The following UNC13C variants were observed in gnomAD, a reference collection of about 807,000 sequenced individuals.
The protein encoded by UNC13C is protein unc-13 homolog C.
Under a neutral mutation model 245.4 loss-of-function variants are expected in UNC13C, and 174 were observed. The ratio of observed to expected loss-of-function variants is 0.71; its 90% CI spans 0.63 to 0.80. The LOEUF (loss-of-function observed/expected upper bound fraction) is 0.80. Among genes scored for constraint, UNC13C ranks in the 30% least tolerant of loss-of-function variants. The pLI is 0.00. For synonymous variants in UNC13C, 992 were observed against 895.1 expected, an observed-to-expected ratio of 1.11 and a Z score of -1.93; for missense variants, 2,829 against 2,602.9, an observed-to-expected ratio of 1.09 and a Z score of -1.89.
At chr15:54,509,475 A>C (rs1211660706) in intron 23 of UNC13C, among the ~76,000 whole-genome samples, 1 of 152,208 alleles carries the variant, frequency 6.6e-6, no homozygotes, top group Non-Finnish European at 1.5e-5. Flanking sequence ...AAGTGTTCCT[A>C]GTCTGAAACT....
At chr15:54,268,398 C>G (rs756080438) in intron 10 of UNC13C, among the ~76,000 whole-genome samples, 1 of 152,140 alleles carries the variant, frequency 6.6e-6, no homozygotes, top group Non-Finnish European at 1.5e-5. Flanking sequence ...CCAATTCTAA[C>G]ATCTATGTCC....
At chr15:54,300,157 T>C (rs7164993) in intron 12 of UNC13C, 53 bp from the exon 13 acceptor site, 254,205 of 1,526,892 alleles carry the variant, frequency 0.17, 21,704 homozygotes, top group Admixed American at 0.18. Flanking sequence ...TAGTTAAATG[T>C]TTCTGGCCTA....
intron 1 of UNC13C, among the ~76,000 whole-genome samples, chr15:53,980,445 T>C (rs1186104496): frequency 6.6e-6 from 1 of 152,234 alleles, no homozygotes; most frequent in Non-Finnish European, 1.5e-5. Context: ...ATGATGTCTG[T>C]AGGTGAAACA....
chr15:54,602,376 C>T (rs988804108), intron 30 of UNC13C, among the ~76,000 whole-genome samples: 2 of 152,078 alleles, frequency 1.3e-5, no homozygotes, highest in Non-Finnish European at 2.9e-5. Context: ...GAAGAAAATC[C>T]TCTCTCACAC....
chr15:54,037,477 A>G (rs974852733), intron 2 of UNC13C, among the ~76,000 whole-genome samples: 2 of 152,226 alleles, frequency 1.3e-5, no homozygotes, highest in African/African-American at 2.4e-5. Flanking sequence ...AATGCTTGTC[A>G]TTTGGTAAGT....
intron 19 of UNC13C, among the ~76,000 whole-genome samples, chr15:54,460,858 G>A (rs1347335728): frequency 1.3e-5 from 2 of 152,044 alleles, no homozygotes; most frequent in African/African-American, 2.4e-5. Flanking sequence ...GTCTCCTATT[G>A]GCCATTTTCC....
At chr15:54,480,500 T>G (rs959076042) in intron 19 of UNC13C, among the ~76,000 whole-genome samples, 7 of 151,394 alleles carry the variant, frequency 4.6e-5, no homozygotes, top group African/African-American at 1.7e-4. Context: ...CTGCTTGACC[T>G]TCTCTATTGT....
chr15:53,931,193 G>T, the UNC13C span, among the ~76,000 whole-genome samples: 1 of 151,944 alleles, frequency 6.6e-6, no homozygotes. Context: ...TTTTGAGACA[G>T]AGTCTTGCTC....
chr15:54,031,579 G>A (rs1415395738), intron 2 of UNC13C, among the ~76,000 whole-genome samples: 2 of 152,150 alleles, frequency 1.3e-5, no homozygotes, highest in Non-Finnish European at 2.9e-5. Flanking sequence ...CATTTTGACA[G>A]GAAGTTATTA....
chr15:54,013,508 C>A lies in UNC13C; in HGVS notation c.605C>A (p.Thr202Asn). Residue 202 changes from threonine to asparagine, a missense_variant, in exon 2 of 33, where the codon ACC becomes AAC. Transcript: ENST00000260323. Reference sequence around the variant, plus strand: ...GTCTCCTCAGACTCAGAGTTAAGCACCATGAAAAAATCCTGGGGAATAAGA... The same window carrying A: ...GTCTCCTCAGACTCAGAGTTAAGCAACATGAAAAAATCCTGGGGAATAAGA... ...ECVSSDSELS[T>N]MKKSWGIRSK... 2 of 1,613,774 alleles carry A rather than the reference C, an allele frequency of 1.2e-6. No individual in the cohort carries two copies. The highest frequency in any genetic ancestry group is 2.2e-5 in the South Asian group (2 of 91,078).
At chr15:54,357,548 A>G (rs577520029) in intron 17 of UNC13C, among the ~76,000 whole-genome samples, 22 of 152,168 alleles carry the variant, frequency 1.4e-4, no homozygotes, top group Middle Eastern at 3.4e-3. Flanking sequence ...TACTTTTTGT[A>G]CACTGATAAA....
chr15:53,883,788 A>G, the UNC13C span, among the ~76,000 whole-genome samples: 1 of 152,234 alleles, frequency 6.6e-6, no homozygotes, highest in Non-Finnish European at 1.5e-5. Context: ...TTCAAGAAGT[A>G]CATAAACATT....
At chr15:54,150,465 C>A (rs563841960) in intron 4 of UNC13C, among the ~76,000 whole-genome samples, 1 of 152,202 alleles carries the variant, frequency 6.6e-6, no homozygotes, top group Non-Finnish European at 1.5e-5. Flanking sequence ...ACATAATGTC[C>A]TATGCACAAA....
intron 2 of UNC13C, among the ~76,000 whole-genome samples, chr15:54,058,955 C>A (rs1483021119): frequency 6.6e-6 from 1 of 152,096 alleles, no homozygotes; most frequent in South Asian, 2.1e-4. Context: ...ATTGACGGGA[C>A]GTATCTCAAA....
At chr15:54,245,347 G>A (rs74013530) in intron 7 of UNC13C, among the ~76,000 whole-genome samples, 3,860 of 152,102 alleles carry the variant, frequency 0.025, 161 homozygotes, top group African/African-American at 0.089. Context: ...AATCATCTAC[G>A]TTATTGTTCT....
intron 1 of UNC13C, among the ~76,000 whole-genome samples, chr15:53,990,211 G>A (rs949800064): frequency 4.6e-5 from 7 of 151,864 alleles, no homozygotes; most frequent in African/African-American, 1.7e-4. Flanking sequence ...ATATATACCT[G>A]TTTTTGTCCC....
At chr15:54,529,204 A>G (rs547760422) in intron 25 of UNC13C, among the ~76,000 whole-genome samples, 6 of 152,318 alleles carry the variant, frequency 3.9e-5, no homozygotes, top group African/African-American at 1.2e-4. Context: ...AAAAATGGAG[A>G]CAGATCAAAC....
intron 19 of UNC13C, among the ~76,000 whole-genome samples, chr15:54,485,478 C>G (rs1893356927): frequency 6.6e-6 from 1 of 152,192 alleles, no homozygotes; most frequent in Non-Finnish European, 1.5e-5. Flanking sequence ...ACCCAAGTGT[C>G]CAAGCTGCCC....
intron 1 of UNC13C, among the ~76,000 whole-genome samples, chr15:54,001,568 C>A (rs1173869370): frequency 6.6e-6 from 1 of 152,024 alleles, no homozygotes; most frequent in Non-Finnish European, 1.5e-5. Flanking sequence ...AGTCAGTAAA[C>A]GAGTAGGGGT....
Sources: allele counts gnomAD v4.1 joint callset (sites outside exome capture counted in the v4.1 genomes callset), GRCh38; gene constraint gnomAD v4.1.1; transcripts MANE v1.5; gene names NCBI Gene and HGNC (gene_info 2026-07-23, HGNC 2026-07-21).